Variants in TMEM132D observed in about 807,000 individuals in gnomAD.
The protein encoded by TMEM132D is mature OL transmembrane protein.
A neutral mutation model predicts 62.3 loss-of-function variants in TMEM132D; 21 were observed. The observed-to-expected ratio is 0.34, with a 90% CI of 0.24 to 0.49. The LOEUF (loss-of-function observed/expected upper bound fraction) is 0.49. TMEM132D is among the 20% of genes least tolerant of loss of function. The pLI is 0.99. For synonymous variants in TMEM132D, 621 were observed against 575.6 expected (o/e 1.08, Z -1.13); for missense variants, 1,346 against 1,402.8 (o/e 0.96, Z 0.65).
chr12:129,487,118 T>C (rs1219648058), intron 3 of TMEM132D, among the ~76,000 whole-genome samples: 1 of 151,852 alleles, frequency 6.6e-6, no homozygotes, highest in Non-Finnish European at 1.5e-5. Flanking sequence ...ACCTTGATGA[T>C]AAGGAGCCAC....
At chr12:129,848,547 T>A (rs1370891025) in intron 1 of TMEM132D, among the ~76,000 whole-genome samples, 3 of 152,112 alleles carry the variant, frequency 2.0e-5, no homozygotes, top group East Asian at 1.9e-4. Flanking sequence ...GGTAAAATAG[T>A]CTACATGACT....
chr12:129,200,213 A>C (rs113838379), intron 5 of TMEM132D, among the ~76,000 whole-genome samples: 1 of 152,086 alleles, frequency 6.6e-6, no homozygotes, highest in Non-Finnish European at 1.5e-5. Context: ...GTCCTTTCCA[A>C]TATTGAAGGA....
chr12:129,226,882 C>T (rs1879493464), intron 4 of TMEM132D, among the ~76,000 whole-genome samples: 1 of 152,162 alleles, frequency 6.6e-6, no homozygotes, highest in East Asian at 1.9e-4. Flanking sequence ...CCCCACAACC[C>T]CTGCTGTCTG....
chr12:129,662,812 A>AAAAAG (rs1555224287), intron 2 of TMEM132D, among the ~76,000 whole-genome samples: 1 of 83,418 alleles, frequency 1.2e-5, no homozygotes, highest in Non-Finnish European at 2.2e-5. Flanking sequence ...AAAAAAAAAA[A>AAAAAG]AGAGAGAGAG....
chr12:129,677,126 G>A (rs982286886), intron 2 of TMEM132D, among the ~76,000 whole-genome samples: 8 of 152,144 alleles, frequency 5.3e-5, no homozygotes, highest in African/African-American at 1.9e-4. Flanking sequence ...CGGTTGGGCT[G>A]TGACCCCACC....
At chr12:129,656,537 T>G (rs571398356) in intron 2 of TMEM132D, among the ~76,000 whole-genome samples, 1 of 152,276 alleles carries the variant, frequency 6.6e-6, no homozygotes, top group African/African-American at 2.4e-5. Flanking sequence ...AGTCTGTTTT[T>G]TACACCTATA....
intron 2 of TMEM132D, among the ~76,000 whole-genome samples, chr12:129,693,942 A>G (rs548152882): frequency 6.6e-6 from 1 of 152,170 alleles, no homozygotes; most frequent in African/African-American, 2.4e-5. Flanking sequence ...CTCATGAATC[A>G]TCATGTAAGG....
chr12:129,721,911 G>A (rs1327288165), intron 1 of TMEM132D, among the ~76,000 whole-genome samples: 2 of 152,242 alleles, frequency 1.3e-5, no homozygotes, highest in South Asian at 2.1e-4. Flanking sequence ...CTACTTCTCA[G>A]ATGTGGGTCC....
intron 3 of TMEM132D, among the ~76,000 whole-genome samples, chr12:129,471,357 A>C (rs1873727): frequency 0.74 from 112,657 of 151,898 alleles, 41,819 homozygotes; most frequent in Middle Eastern, 0.79. Context: ...TTATTATTAC[A>C]GTATCTGTAT....
chr12:129,255,080 G>A (rs563251756), intron 4 of TMEM132D, among the ~76,000 whole-genome samples: 13 of 152,098 alleles, frequency 8.5e-5, no homozygotes, highest in East Asian at 1.9e-4. Flanking sequence ...CACCTCCCCC[G>A]CTCTCTCTTC....
chr12:129,075,898 C>T (rs928759947), intron 8 of TMEM132D, among the ~76,000 whole-genome samples: 6 of 152,176 alleles, frequency 3.9e-5, no homozygotes, highest in Non-Finnish European at 7.4e-5. Flanking sequence ...TGCTTGACAG[C>T]AGTGGCAGAT....
chr12:129,498,560 T>C (rs563066293), intron 3 of TMEM132D, among the ~76,000 whole-genome samples: 2 of 152,328 alleles, frequency 1.3e-5, no homozygotes, highest in East Asian at 1.9e-4. Flanking sequence ...TCTTTATGAA[T>C]AGAAACAATG....
intron 2 of TMEM132D, among the ~76,000 whole-genome samples, chr12:129,689,336 G>A (rs1881006341): frequency 6.6e-6 from 1 of 152,130 alleles, no homozygotes; most frequent in Admixed American, 6.5e-5. Flanking sequence ...TCTTATAGCT[G>A]AGAAAAATGG....
intron 3 of TMEM132D, among the ~76,000 whole-genome samples, chr12:129,511,299 TGTCTG>T (rs1279460324): frequency 6.6e-6 from 1 of 152,360 alleles, no homozygotes. Context: ...TTATCATTTG[TGTCTG>T]GCTTCTTTCA....
intron 7 of TMEM132D, among the ~76,000 whole-genome samples, chr12:129,080,843 C>A (rs1289510396): frequency 2.0e-5 from 3 of 152,162 alleles, no homozygotes; most frequent in Non-Finnish European, 4.4e-5. Context: ...CCCTTACAAG[C>A]CTCCCAGAAC....
In TMEM132D at chr12:129,081,747, T is replaced by TC. The variant is rs762019973; in HGVS notation, c.1923+11_1923+12insG. ...GAGATCTTGATTTGGGGATTTTTTTTTTTTTTTTTACCTGAATGGTGGTCA... is the reference window on the plus strand; with the variant it reads ...GAGATCTTGATTTGGGGATTTTTTTTCTTTTTTTTTACCTGAATGGTGGTCA... On this transcript the variant is annotated intron_variant, in intron 7 of 8. Coordinates refer to ENST00000422113, the MANE Select transcript of TMEM132D (RefSeq NM_133448.3). 7.1e-6 allele frequency: 11 copies of TC among 1,550,182 alleles called. No individual in the cohort carries two copies. The highest frequency in any genetic ancestry group is 2.0e-5 in the Admixed American group (1 of 49,160).
Position 129,810,914 on chromosome 12 carries a change from C to A in TMEM132D, c.79+92347G>T, listed in dbSNP as rs143380280. 3.2e-3 allele frequency among the ~76,000 whole-genome samples: 491 copies of A among 152,184 alleles called. 5 individuals carry two copies. The highest frequency in any genetic ancestry group is 0.011 in the African/African-American group (465 of 41,522). On this transcript the variant is annotated intron_variant, in intron 1 of 8. Transcript: ENST00000422113. Reference sequence around the variant, plus strand: ...AGGAAATAAATTCATTGATATTGGGCACTGATGGTATTGCGTGTCTAGAAC... The same window carrying A: ...AGGAAATAAATTCATTGATATTGGGAACTGATGGTATTGCGTGTCTAGAAC...
At chr12:129,089,968 G>C (rs1874853434) in intron 5 of TMEM132D, among the ~76,000 whole-genome samples, 1 of 152,214 alleles carries the variant, frequency 6.6e-6, no homozygotes, top group African/African-American at 2.4e-5. Context: ...GCACTTAAAG[G>C]GGTGTGAGGA....
At chr12:129,721,103 G>A (rs1868810721) in intron 1 of TMEM132D, among the ~76,000 whole-genome samples, 3 of 152,218 alleles carry the variant, frequency 2.0e-5, no homozygotes, top group African/African-American at 7.2e-5. Flanking sequence ...GATAGGTATT[G>A]GGGAGGGGTT....
Sources: gnomAD v4.1 joint callset for allele counts (sites outside exome capture counted in the v4.1 genomes callset) on GRCh38, gnomAD v4.1.1 for gene constraint, MANE v1.5 for transcripts, NCBI Gene and HGNC (gene_info 2026-07-23, HGNC 2026-07-21) for gene names.